KIAA1217: variants seen among roughly 807,000 people sequenced by gnomAD.
KIAA1217 encodes the protein sickle tail protein homolog.
KIAA1217 carries 88 observed loss-of-function variants against 163.9 expected under a neutral mutation model. The ratio of observed to expected loss-of-function variants is 0.54; its 90% CI spans 0.45 to 0.64. The LOEUF (loss-of-function observed/expected upper bound fraction) is 0.64, where lower values mean the gene tolerates loss of function less well. Among genes scored for constraint, KIAA1217 ranks in the 30% least tolerant of loss-of-function variants. The pLI, the probability that KIAA1217 is intolerant of heterozygous loss-of-function variation, is 0.00. For missense variants in KIAA1217, 2,372 were observed against 2,475.0 expected (o/e 0.96, Z 0.88); for synonymous variants, 903 against 923.1 (o/e 0.98, Z 0.39).
intron 1 of KIAA1217, among the ~76,000 whole-genome samples, chr10:23,956,017 G>A (rs1188437843): frequency 1.3e-5 from 2 of 152,170 alleles, no homozygotes; most frequent in African/African-American, 2.4e-5. Flanking sequence ...GATTAACTAC[G>A]TTGACTACAA....
intron 2 of KIAA1217, among the ~76,000 whole-genome samples, chr10:24,130,718 C>T (rs1405145774): frequency 6.6e-6 from 1 of 152,166 alleles, no homozygotes; most frequent in Non-Finnish European, 1.5e-5. Flanking sequence ...CCTCATGACT[C>T]CCATATAGTA....
chr10:23,764,557 A>G (rs1417254937), intron 1 of KIAA1217, among the ~76,000 whole-genome samples: 2 of 152,224 alleles, frequency 1.3e-5, no homozygotes, highest in African/African-American at 2.4e-5. Context: ...ATGCCCAGCA[A>G]TGATAGACTG....
At chr10:23,945,649 A>G (rs1843996932) in intron 1 of KIAA1217, among the ~76,000 whole-genome samples, 1 of 152,224 alleles carries the variant, frequency 6.6e-6, no homozygotes, top group African/African-American at 2.4e-5. Flanking sequence ...CCAAGGGGTT[A>G]TTAAAGTTCT....
At chr10:23,926,544 G>A (rs990108750) in intron 1 of KIAA1217, among the ~76,000 whole-genome samples, 2 of 152,046 alleles carry the variant, frequency 1.3e-5, no homozygotes, top group Admixed American at 6.5e-5. Flanking sequence ...GACCAACATG[G>A]TGAAGCCCCG....
At chr10:24,390,012 A>G (rs571266921) in intron 3 of KIAA1217, among the ~76,000 whole-genome samples, 3 of 152,270 alleles carry the variant, frequency 2.0e-5, no homozygotes, top group Admixed American at 2.0e-4. Flanking sequence ...ACCAGAGTTT[A>G]AGGAAGCTTC....
intron 1 of KIAA1217, among the ~76,000 whole-genome samples, chr10:23,831,087 T>C (rs1838169573): frequency 6.6e-6 from 1 of 152,022 alleles, no homozygotes; most frequent in African/African-American, 2.4e-5. Context: ...AATTACCAGC[T>C]TCCCCACCCC....
intron 2 of KIAA1217, among the ~76,000 whole-genome samples, chr10:24,297,307 A>G (rs953101030): frequency 6.6e-6 from 1 of 152,234 alleles, no homozygotes. Context: ...TTGCATGCTT[A>G]GTGGTCTGTT....
At chr10:23,977,355 T>C (rs79552729) in intron 1 of KIAA1217, among the ~76,000 whole-genome samples, 3 of 152,160 alleles carry the variant, frequency 2.0e-5, no homozygotes, top group Admixed American at 6.6e-5. Context: ...GCAAATATCA[T>C]TACCTTCATG....
intron 2 of KIAA1217, chr10:24,275,568 G>A: frequency 2.2e-6 from 1 of 444,792 alleles, no homozygotes; most frequent in South Asian, 1.6e-5. Context: ...CAGATTTTAG[G>A]TGATGGGCAT....
intron 2 of KIAA1217, among the ~76,000 whole-genome samples, chr10:24,283,392 G>A (rs12761323): frequency 0.32 from 47,892 of 151,992 alleles, 8,245 homozygotes; most frequent in Admixed American, 0.46. Flanking sequence ...AACTGGCTGG[G>A]ATGGTGGCTT....
At position 24,544,994 on chromosome 10, in the gene KIAA1217, C is replaced by G. The variant is rs780128946; in HGVS notation, c.5225C>G (p.Ala1742Gly). ...TCCTTCCCACAGGGCTCCAGCGGGG[C>G]CCCACAGACGAGCAGGATGCCTGTC... ...PSASRKGSSG[A>G]PQTSRMPVPM... Residue 1742 changes from alanine to glycine, a missense_variant, in exon 20 of 21, where the codon GCC (alanine) becomes GGC (glycine). Physicochemically the swap from Ala to Gly is moderately conservative, Grantham distance 60. Transcript: ENST00000376454. 6.2e-7 allele frequency: 1 copy of G among 1,614,058 alleles called. No individual in the cohort carries two copies. The highest frequency in any genetic ancestry group is 1.7e-5 in the Admixed American group (1 of 60,006).
In KIAA1217 at chr10:24,438,485, T is replaced by C. The variant is rs2060237461; in HGVS notation, c.846+6T>C. ...CTATGAATGGAGACATGAGGGTAAG[T>C]GTTTCTGTCATATTTTTACTTATCT... On this transcript the variant is annotated splice_donor_region_variant and intron_variant, in intron 5 of 20. Transcript: ENST00000376454. 4.4e-6 allele frequency: 7 copies of C among 1,587,684 alleles called. No individual in the cohort carries two copies. The highest frequency in any genetic ancestry group is 5.2e-6 in the Non-Finnish European group (6 of 1,156,068).
chr10:23,875,163 C>A (rs1840624162), intron 1 of KIAA1217, among the ~76,000 whole-genome samples: 1 of 151,786 alleles, frequency 6.6e-6, no homozygotes, highest in African/African-American at 2.4e-5. Flanking sequence ...AAATACCTCC[C>A]ACCAGGCTCC....
At chr10:23,934,825 G>A (rs1347955410) in intron 1 of KIAA1217, among the ~76,000 whole-genome samples, 2 of 151,016 alleles carry the variant, frequency 1.3e-5, no homozygotes, top group Non-Finnish European at 2.9e-5. Context: ...CACCATGTTA[G>A]CCAGGATGGT....
intron 19 of KIAA1217, 32 bp from the exon 20 acceptor site, chr10:24,544,946 CCTT>C (rs2075558270): frequency 6.2e-7 from 1 of 1,606,194 alleles, no homozygotes; most frequent in East Asian, 2.2e-5. Flanking sequence ...ATGCGCTTCT[CCTT>C]CTCTTCCCCC....
At chr10:24,050,433 T>C (rs2131580571) in intron 2 of KIAA1217, among the ~76,000 whole-genome samples, 1 of 152,324 alleles carries the variant, frequency 6.6e-6, no homozygotes, top group East Asian at 1.9e-4. Context: ...ATTTTTATGG[T>C]TTTAGGTCTT....
chr10:23,895,999 G>T (rs1309207748), intron 1 of KIAA1217, among the ~76,000 whole-genome samples: 1 of 121,210 alleles, frequency 8.3e-6, no homozygotes, highest in Non-Finnish European at 1.7e-5. Flanking sequence ...TTGTGGGGTG[G>T]GGGGAGGGGG....
intron 1 of KIAA1217, among the ~76,000 whole-genome samples, chr10:24,217,974 C>T (rs1003444091): frequency 3.3e-5 from 5 of 152,070 alleles, no homozygotes; most frequent in African/African-American, 1.2e-4. Context: ...TTCTAAATGT[C>T]GGATTAAAGC....
At chr10:23,877,800 G>A (rs1051182971) in intron 1 of KIAA1217, among the ~76,000 whole-genome samples, 4 of 151,928 alleles carry the variant, frequency 2.6e-5, no homozygotes, top group African/African-American at 9.7e-5. Flanking sequence ...CATCTGTTTT[G>A]TCATATACCA....
Sources: allele counts gnomAD v4.1 joint callset (sites outside exome capture counted in the v4.1 genomes callset), GRCh38; gene constraint gnomAD v4.1.1; transcripts MANE v1.5; gene names NCBI Gene and HGNC (gene_info 2026-07-23, HGNC 2026-07-21).